The following SHISA6 variants were observed in gnomAD, a reference collection of about 807,000 sequenced individuals.
SHISA6 encodes the protein protein shisa-6.
Under a neutral mutation model 47.9 loss-of-function variants are expected in SHISA6, and 22 were observed. That is an observed-to-expected ratio of 0.46 (90% CI 0.33 to 0.66). The LOEUF (loss-of-function observed/expected upper bound fraction) is 0.66. Ranked by LOEUF, SHISA6 falls within the 30% of genes least tolerant of loss-of-function variation. The pLI is 0.02. For missense variants in SHISA6, 680 were observed against 764.6 expected (o/e 0.89, Z 1.30); for synonymous variants, 388 against 337.8 (o/e 1.15, Z -1.63).
intron 3 of SHISA6, among the ~76,000 whole-genome samples, chr17:11,547,420 A>G (rs942768329): frequency 6.6e-6 from 1 of 152,222 alleles, no homozygotes; most frequent in African/African-American, 2.4e-5. Context: ...AGTTCAAACA[A>G]ACAAACCCAA....
At chr17:11,325,465 T>G (rs1183653727) in intron 2 of SHISA6, among the ~76,000 whole-genome samples, 1 of 152,176 alleles carries the variant, frequency 6.6e-6, no homozygotes, top group Non-Finnish European at 1.5e-5. Context: ...TTCCAGCCCC[T>G]AATTCCGGGG....
intron 4 of SHISA6, 81 bp from the exon 5 acceptor site, chr17:11,555,659 C>G: frequency 7.1e-7 from 1 of 1,408,206 alleles, no homozygotes; most frequent in South Asian, 1.5e-5. Context: ...GATGGGGATT[C>G]GAATCAGGGG....
In SHISA6 at chr17:11,241,449, G is replaced by A. The variant is rs1481014534; in HGVS notation, c.27G>A (p.Leu9=). 2 of 1,204,878 alleles carry A rather than the reference G, an allele frequency of 1.7e-6. No individual in the cohort carries two copies. The highest frequency in any genetic ancestry group is 2.1e-6 in the Non-Finnish European group (2 of 953,150). 74.6% of individuals were successfully genotyped at this position (1,204,878 alleles called of 1,614,324 possible). Reference sequence around the variant, plus strand: ...TGGCGCTGCGGCGCCTCCTGCTGCTGCTGCTGCTCTCGCTGGAGTCCCTGG... The same window carrying A: ...TGGCGCTGCGGCGCCTCCTGCTGCTACTGCTGCTCTCGCTGGAGTCCCTGG... The part of the protein sequence containing the change: MALRRLLL[L]LLLSLESLDL... Residue 9 remains leucine, a synonymous_variant, in exon 1 of 6, where the codon CTG becomes CTA. Coordinates refer to ENST00000441885, the MANE Select transcript of SHISA6 (RefSeq NM_207386.4). This position sits in a 1 kb window ranked among gnomAD's most constrained non-coding sequence, Gnocchi z 5.5.
intron 2 of SHISA6, among the ~76,000 whole-genome samples, chr17:11,353,338 T>C (rs1420631085): frequency 6.6e-6 from 1 of 151,504 alleles, no homozygotes; most frequent in Admixed American, 6.6e-5. Flanking sequence ...GCACATGTAG[T>C]CCCAGCTACT....
At chr17:11,318,166 A>T (rs1390003866) in intron 2 of SHISA6, among the ~76,000 whole-genome samples, 1 of 152,194 alleles carries the variant, frequency 6.6e-6, no homozygotes, top group Non-Finnish European at 1.5e-5. Flanking sequence ...TCCTTAGCAC[A>T]TTGAAATTAG....
Position 11,558,316 on chromosome 17 carries a change from G to A in SHISA6, c.*12G>A. ...AAGTGACCGTGTGACCGGCGGGGCA[G>A]GGCCGGGGCTGCTGGGCGTGGCAGA... On this transcript the variant is annotated 3_prime_UTR_variant, in exon 6 of 6. Coordinates refer to ENST00000441885, the MANE Select transcript of SHISA6 (RefSeq NM_207386.4). 6.5e-7 allele frequency: 1 copy of A among 1,535,268 alleles called. No individual in the cohort carries two copies. Among genetic ancestry groups the A allele is most frequent in the Non-Finnish European group, 8.7e-7 (1 of 1,145,492 alleles).
At chr17:11,533,265 G>A (rs889425576) in intron 3 of SHISA6, among the ~76,000 whole-genome samples, 3 of 152,032 alleles carry the variant, frequency 2.0e-5, no homozygotes, top group Non-Finnish European at 4.4e-5. Flanking sequence ...GCTTGTCAAC[G>A]CATTTCCCTT....
intron 3 of SHISA6, among the ~76,000 whole-genome samples, chr17:11,483,537 A>G (rs1282471388): frequency 6.6e-6 from 1 of 152,214 alleles, no homozygotes; most frequent in Non-Finnish European, 1.5e-5. Context: ...AGAACAAAAA[A>G]ACACCAGGTG....
intron 3 of SHISA6, chr17:11,379,762 C>T (rs755653082): frequency 8.4e-6 from 3 of 355,170 alleles, no homozygotes; most frequent in Non-Finnish European, 1.0e-5. Flanking sequence ...CAGATGCCGG[C>T]GGCTCCTTGT....
chr17:11,337,082 TC>T (rs1351166702), intron 2 of SHISA6, among the ~76,000 whole-genome samples: 1 of 152,158 alleles, frequency 6.6e-6, no homozygotes, highest in Non-Finnish European at 1.5e-5. Flanking sequence ...CCCTACATCT[TC>T]CTTAGGACCC....
intron 3 of SHISA6, among the ~76,000 whole-genome samples, chr17:11,458,549 G>C (rs1189944691): frequency 6.6e-6 from 1 of 152,180 alleles, no homozygotes; most frequent in Non-Finnish European, 1.5e-5. Flanking sequence ...GAAAGGATCT[G>C]CTCTCCTGGA....
At chr17:11,316,419 C>CTTTT (rs551048325) in intron 2 of SHISA6, among the ~76,000 whole-genome samples, 1 of 56,924 alleles carries the variant, frequency 1.8e-5, no homozygotes, top group African/African-American at 8.9e-5. Context: ...CTCTCTCTCT[C>CTTTT]TTTTTTTTTT....
chr17:11,393,131 C>T (rs1168214768), intron 3 of SHISA6, among the ~76,000 whole-genome samples: 1 of 152,216 alleles, frequency 6.6e-6, no homozygotes, highest in African/African-American at 2.4e-5. Context: ...GATATCTGGG[C>T]ATTTATTGAG....
At chr17:11,554,778 T>G (rs2142389808) in intron 4 of SHISA6, among the ~76,000 whole-genome samples, 1 of 152,098 alleles carries the variant, frequency 6.6e-6, no homozygotes, top group African/African-American at 2.4e-5. Flanking sequence ...CTTGTCTTCT[T>G]CCCCAGGATC....
At chr17:11,324,422 C>T (rs11868555) in intron 2 of SHISA6, among the ~76,000 whole-genome samples, 41,160 of 152,082 alleles carry the variant, frequency 0.27, 6,469 homozygotes, top group Non-Finnish European at 0.35. Context: ...GTGGCCTGTG[C>T]TGGGCACAGG....
chr17:11,393,343 C>T (rs1913453066), intron 3 of SHISA6, among the ~76,000 whole-genome samples: 1 of 152,074 alleles, frequency 6.6e-6, no homozygotes, highest in Non-Finnish European at 1.5e-5. Flanking sequence ...CACCATTTGC[C>T]CCCTTCTTAG....
At chr17:11,387,893 G>A (rs959511163) in intron 3 of SHISA6, among the ~76,000 whole-genome samples, 1 of 152,064 alleles carries the variant, frequency 6.6e-6, no homozygotes, top group Admixed American at 6.5e-5. Flanking sequence ...CAGCCCCACA[G>A]CTGATCTGAT....
chr17:11,480,567 G>C (rs1464691488), intron 3 of SHISA6, among the ~76,000 whole-genome samples: 1 of 152,134 alleles, frequency 6.6e-6, no homozygotes, highest in Non-Finnish European at 1.5e-5. Flanking sequence ...ATGGAGTACT[G>C]TTTTCAGTGA....
At chr17:11,509,190 G>C (rs2071523597) in intron 3 of SHISA6, among the ~76,000 whole-genome samples, 1 of 152,186 alleles carries the variant, frequency 6.6e-6, no homozygotes. Flanking sequence ...TCATGGTTTA[G>C]GCCAACCCTG....
Sources: allele counts gnomAD v4.1 joint callset (sites outside exome capture counted in the v4.1 genomes callset), GRCh38; gene constraint gnomAD v4.1.1; non-coding constraint Gnocchi (gnomAD v3.1); transcripts MANE v1.5; gene names NCBI Gene and HGNC (gene_info 2026-07-23, HGNC 2026-07-21).